FAM193A: variants seen among roughly 807,000 people sequenced by gnomAD.
FAM193A encodes protein FAM193A.
Under a neutral mutation model 126.5 loss-of-function variants are expected in FAM193A, and 22 were observed. The ratio of observed to expected loss-of-function variants is 0.17; its 90% CI spans 0.12 to 0.25. FAM193A has a LOEUF of 0.25. Among genes scored for constraint, FAM193A ranks in the 10% least tolerant of loss-of-function variants. The pLI, the probability that FAM193A is intolerant of heterozygous loss-of-function variation, is 1.00. For synonymous variants in FAM193A, 761 were observed against 646.8 expected (o/e 1.18, Z -2.68); for missense variants, 1,675 against 1,672.8 (o/e 1.00, Z -0.02).
At chr4:2,614,299 T>C (rs1394818843) in intron 2 of FAM193A, among the ~76,000 whole-genome samples, 2 of 152,250 alleles carry the variant, frequency 1.3e-5, no homozygotes, top group Non-Finnish European at 2.9e-5. Flanking sequence ...AATTTACTTA[T>C]ATTTTTAGTT....
At chr4:2,554,499 TG>T (rs1429199960) in intron 1 of FAM193A, among the ~76,000 whole-genome samples, 1 of 152,224 alleles carries the variant, frequency 6.6e-6, no homozygotes, top group African/African-American at 2.4e-5. Flanking sequence ...TGGTCTGTTT[TG>T]GTAAATGTTA....
intron 12 of FAM193A, 46 bp from the exon 13 acceptor site, chr4:2,672,075 A>G (rs749360825): frequency 6.3e-7 from 1 of 1,597,970 alleles, no homozygotes; most frequent in Non-Finnish European, 8.6e-7. Context: ...AATTCATACC[A>G]TTTATTGTTT....
intron 1 of FAM193A, among the ~76,000 whole-genome samples, chr4:2,545,964 A>G (rs1737520333): frequency 2.0e-5 from 3 of 152,108 alleles, no homozygotes; most frequent in Non-Finnish European, 4.4e-5. Context: ...CCTGACCAAC[A>G]TGGTGAAATC....
At chr4:2,573,567 G>A (rs1739415498) in intron 1 of FAM193A, among the ~76,000 whole-genome samples, 1 of 151,692 alleles carries the variant, frequency 6.6e-6, no homozygotes, top group Non-Finnish European at 1.5e-5. Flanking sequence ...TGCCATGTGT[G>A]GGACGTGGGT....
intron 1 of FAM193A, among the ~76,000 whole-genome samples, chr4:2,551,431 T>G (rs1390655174): frequency 6.6e-6 from 1 of 152,230 alleles, no homozygotes; most frequent in Non-Finnish European, 1.5e-5. Context: ...GATTTTTGCA[T>G]TTGGAATGCT....
At chr4:2,648,252 A>G (rs747581817) in intron 7 of FAM193A, among the ~76,000 whole-genome samples, 61 of 151,914 alleles carry the variant, frequency 4.0e-4, no homozygotes, top group African/African-American at 6.3e-4. Context: ...TCACATGCGG[A>G]ATTCTGTGCT....
At chr4:2,607,760 T>C (rs1741631467) in intron 2 of FAM193A, 2 of 475,438 alleles carry the variant, frequency 4.2e-6, no homozygotes, top group African/African-American at 2.1e-5. Flanking sequence ...ACCATCTGAA[T>C]GGGGTCCTCG....
At chr4:2,620,585 T>C (rs1742478834) in intron 2 of FAM193A, among the ~76,000 whole-genome samples, 1 of 152,088 alleles carries the variant, frequency 6.6e-6, no homozygotes, top group South Asian at 2.1e-4. Flanking sequence ...GTGTGGCTCA[T>C]GCCTGTAATC....
intron 4 of FAM193A, 40 bp downstream of exon 4, chr4:2,626,617 C>G (rs765339604): frequency 1.5e-6 from 1 of 670,616 alleles, no homozygotes; most frequent in Non-Finnish European, 2.8e-6. Context: ...CATGCAAACC[C>G]CTGCCCTCCC....
chr4:2,700,622 C>T (rs1717613402), intron 19 of FAM193A, 78 bp downstream of exon 19: 1 of 1,522,534 alleles, frequency 6.6e-7, no homozygotes, highest in South Asian at 1.3e-5. Flanking sequence ...TAGGAAAACA[C>T]TGGGTTTGGC....
chr4:2,628,357 A>G (rs1015027572), intron 4 of FAM193A, among the ~76,000 whole-genome samples: 1 of 152,058 alleles, frequency 6.6e-6, no homozygotes, highest in African/African-American at 2.4e-5. Flanking sequence ...CTTTTATTAG[A>G]AGTTAGGTTT....
At chr4:2,584,765 A>C in intron 1 of FAM193A, among the ~76,000 whole-genome samples, 1 of 152,018 alleles carries the variant, frequency 6.6e-6, no homozygotes, top group African/African-American at 2.4e-5. Context: ...TCTTTACTAA[A>C]AATACAAAAA....
chr4:2,697,012 C>G (rs1375001684), intron 18 of FAM193A, among the ~76,000 whole-genome samples: 1 of 152,084 alleles, frequency 6.6e-6, no homozygotes, highest in African/African-American at 2.4e-5. Context: ...GCACTTGGCA[C>G]AGGGAAGTCT....
intron 13 of FAM193A, among the ~76,000 whole-genome samples, chr4:2,683,317 C>T (rs1715367588): frequency 6.7e-6 from 1 of 150,010 alleles, no homozygotes; most frequent in Admixed American, 6.7e-5. Flanking sequence ...TTTTTTGAGA[C>T]AGAGTCTTGC....
chr4:2,716,114 G>A lies in FAM193A; in HGVS notation c.4454+10G>A. 1 of 1,560,080 alleles carries A rather than the reference G, an allele frequency of 6.4e-7. No homozygotes were observed. Among genetic ancestry groups the A allele is most frequent in the Non-Finnish European group, 8.8e-7 (1 of 1,130,456 alleles). On this transcript the variant is annotated intron_variant, in intron 20 of 20. Coordinates refer to ENST00000637812, the MANE Select transcript of FAM193A (RefSeq NM_001366318.2). Reference sequence around the variant, plus strand: ...TGGAATATTTCAAAAGGTAAATGTGGAGGCTGTGTCTGAAACCGTGGTGAC... The same window carrying A: ...TGGAATATTTCAAAAGGTAAATGTGAAGGCTGTGTCTGAAACCGTGGTGAC...
chr4:2,724,971 G>A (rs1291892773), intron 20 of FAM193A, among the ~76,000 whole-genome samples: 2 of 152,102 alleles, frequency 1.3e-5, no homozygotes, highest in Non-Finnish European at 2.9e-5. Flanking sequence ...CCGCCTTCCA[G>A]ATTCAAGTGA....
chr4:2,646,011 ATTT>A (rs1020890956), intron 6 of FAM193A, among the ~76,000 whole-genome samples: 1 of 151,178 alleles, frequency 6.6e-6, no homozygotes, highest in Non-Finnish European at 1.5e-5. Context: ...TCCCATATTT[ATTT>A]TTTTATCATT....
chr4:2,595,699 A>G (rs901211766), intron 1 of FAM193A, among the ~76,000 whole-genome samples: 1 of 152,220 alleles, frequency 6.6e-6, no homozygotes, highest in Non-Finnish European at 1.5e-5. Flanking sequence ...CAGAATTGCC[A>G]TCTTGAATCT....
chr4:2,566,209 G>A (rs1005375148), intron 1 of FAM193A, among the ~76,000 whole-genome samples: 15 of 151,982 alleles, frequency 9.9e-5, no homozygotes, highest in African/African-American at 2.7e-4. Flanking sequence ...CACCTCGCCC[G>A]GCTAATTTTT....
Sources: gnomAD v4.1 joint callset for allele counts (sites outside exome capture counted in the v4.1 genomes callset) on GRCh38, gnomAD v4.1.1 for gene constraint, MANE v1.5 for transcripts, NCBI Gene and HGNC (gene_info 2026-07-23, HGNC 2026-07-21) for gene names.